CMIP: variants seen among roughly 807,000 people sequenced by gnomAD.
CMIP encodes the protein c-Maf inducing protein, also known as C-Maf-inducing protein.
CMIP carries 13 observed loss-of-function variants against 97.3 expected under a neutral mutation model. The ratio of observed to expected loss-of-function variants is 0.13; its 90% CI spans 0.09 to 0.21. CMIP has a LOEUF of 0.21. Ranked by LOEUF, CMIP falls within the 10% of genes least tolerant of loss-of-function variation. The pLI, the probability that CMIP is intolerant of heterozygous loss-of-function variation, is 1.00. For synonymous variants in CMIP, 538 were observed against 436.3 expected (o/e 1.23, Z -2.91); for missense variants, 847 against 1,024.9 (o/e 0.83, Z 2.37).
intron 1 of CMIP, among the ~76,000 whole-genome samples, chr16:81,565,875 G>A (rs1028191361): frequency 6.6e-6 from 1 of 152,314 alleles, no homozygotes; most frequent in Middle Eastern, 3.4e-3. Flanking sequence ...GCCCTGTGTT[G>A]GGCTGGCGCT....
chr16:81,449,778 C>T (rs903453787), intron 1 of CMIP, among the ~76,000 whole-genome samples: 1 of 151,848 alleles, frequency 6.6e-6, no homozygotes, highest in Non-Finnish European at 1.5e-5. Flanking sequence ...GGGGCTGAGA[C>T]AGAGAGGAGA....
At chr16:81,552,762 G>A (rs2090684374) in intron 1 of CMIP, among the ~76,000 whole-genome samples, 1 of 152,224 alleles carries the variant, frequency 6.6e-6, no homozygotes, top group Non-Finnish European at 1.5e-5. Context: ...CTGCTCTTGT[G>A]CCTACCACCA....
At chr16:81,485,577 A>T (rs747197807) in intron 1 of CMIP, among the ~76,000 whole-genome samples, 23 of 152,188 alleles carry the variant, frequency 1.5e-4, no homozygotes, top group Non-Finnish European at 4.4e-5. Context: ...AGCCCTTCTG[A>T]TGTCCCTCCC....
chr16:81,680,025 G>A (rs950087685), intron 10 of CMIP, among the ~76,000 whole-genome samples: 2 of 152,224 alleles, frequency 1.3e-5, no homozygotes, highest in East Asian at 1.9e-4. Flanking sequence ...CCAGAGACAG[G>A]CATTTTCAGA....
At chr16:81,504,775 C>A (rs979552699) in intron 1 of CMIP, among the ~76,000 whole-genome samples, 5 of 151,924 alleles carry the variant, frequency 3.3e-5, no homozygotes, top group African/African-American at 1.2e-4. Context: ...ATCTGCAGAG[C>A]TTGTTACCAG....
At chr16:81,691,703 C>A (rs1906097346) in intron 10 of CMIP, 72 bp from the exon 11 acceptor site, 1 of 1,319,566 alleles carries the variant, frequency 7.6e-7, no homozygotes, top group East Asian at 2.3e-5. Context: ...TTTGGCCCAT[C>A]TGGGACCAAA....
At chr16:81,472,457 C>A (rs1009900452) in intron 1 of CMIP, among the ~76,000 whole-genome samples, 10 of 152,184 alleles carry the variant, frequency 6.6e-5, no homozygotes, top group African/African-American at 1.7e-4. Flanking sequence ...GGAGGAGTGG[C>A]CCATCTCCCC....
chr16:81,631,239 C>G (rs992649730), intron 3 of CMIP: 2 of 152,344 alleles, frequency 1.3e-5, no homozygotes, highest in Non-Finnish European at 2.9e-5. Flanking sequence ...TTAGGCCTGT[C>G]TTGAAGCAGG....
intron 1 of CMIP, among the ~76,000 whole-genome samples, chr16:81,451,920 A>G (rs1906240147): frequency 6.6e-6 from 1 of 152,222 alleles, no homozygotes; most frequent in African/African-American, 2.4e-5. Flanking sequence ...CACCCAGTGT[A>G]TTCAACAGGC....
At chr16:81,465,460 C>T (rs574166820) in intron 1 of CMIP, among the ~76,000 whole-genome samples, 1 of 152,350 alleles carries the variant, frequency 6.6e-6, no homozygotes, top group South Asian at 2.1e-4. Context: ...TGCTTGCTTC[C>T]TTTTCCTGTT....
At chr16:81,574,396 C>T (rs2091152965) in intron 1 of CMIP, among the ~76,000 whole-genome samples, 1 of 152,232 alleles carries the variant, frequency 6.6e-6, no homozygotes, top group Admixed American at 6.5e-5. Context: ...GGCAGGGGTG[C>T]CAGGCTTGGC....
At chr16:81,644,074 A>C (rs774849805) in intron 3 of CMIP, among the ~76,000 whole-genome samples, 3 of 152,226 alleles carry the variant, frequency 2.0e-5, no homozygotes, top group Non-Finnish European at 4.4e-5. Flanking sequence ...CGTTGACCCT[A>C]TAGCCCTGAC....
chr16:81,454,657 G>C (rs747607547), intron 1 of CMIP, among the ~76,000 whole-genome samples: 1 of 152,206 alleles, frequency 6.6e-6, no homozygotes, highest in Non-Finnish European at 1.5e-5. Context: ...GTGCTCTCAG[G>C]CATGGCACTT....
chr16:81,546,991 C>G (rs983993275), intron 1 of CMIP, among the ~76,000 whole-genome samples: 2 of 152,106 alleles, frequency 1.3e-5, no homozygotes, highest in Non-Finnish European at 2.9e-5. Context: ...AAAGGCCACT[C>G]CCCCGGGAGT....
At position 81,652,491 on chromosome 16, in the gene CMIP, A is replaced by C. The variant is rs960748241; in HGVS notation, c.639+127A>C. ...TGTGTTGTTGCCCTGCTGCCGAAGG[A>C]GGTGAGCAGTTGCCCACCCAGCCGT... On this transcript the variant is annotated intron_variant, in intron 4 of 20. Coordinates refer to ENST00000537098, the MANE Select transcript of CMIP (RefSeq NM_198390.3). The surrounding 1 kb of genome is among the most constrained non-coding windows in gnomAD (Gnocchi z 5.2). The C allele has an allele frequency of 9.6e-6, 8 of 834,484 alleles. No individual in the cohort carries two copies. Among genetic ancestry groups the C allele is most frequent in the Non-Finnish European group, 1.5e-5 (8 of 533,996 alleles). The allele number at this position is 834,484 out of a possible 1,614,324, so 51.7% of individuals were successfully genotyped here.
intron 10 of CMIP, among the ~76,000 whole-genome samples, chr16:81,681,770 T>G (rs1904898400): frequency 6.6e-6 from 1 of 152,200 alleles, no homozygotes; most frequent in African/African-American, 2.4e-5. Flanking sequence ...TGAGCTGCTG[T>G]GGAACTGTGG....
At chr16:81,567,775 C>G (rs926878015) in intron 1 of CMIP, among the ~76,000 whole-genome samples, 3 of 152,218 alleles carry the variant, frequency 2.0e-5, no homozygotes, top group African/African-American at 7.2e-5. Context: ...TATTTCGTCC[C>G]CGCTTCTTGT....
chr16:81,451,492 T>C (rs1158037297), intron 1 of CMIP, among the ~76,000 whole-genome samples: 2 of 152,148 alleles, frequency 1.3e-5, no homozygotes, highest in Non-Finnish European at 2.9e-5. Context: ...AAAGAAAACA[T>C]TTTCTATTTT....
At chr16:81,463,475 C>A (rs919311446) in intron 1 of CMIP, among the ~76,000 whole-genome samples, 1 of 152,178 alleles carries the variant, frequency 6.6e-6, no homozygotes, top group Admixed American at 6.5e-5. Flanking sequence ...TTTGGCGGGA[C>A]GGCGGTTGTG....
Sources: allele counts gnomAD v4.1 joint callset (sites outside exome capture counted in the v4.1 genomes callset), GRCh38; gene constraint gnomAD v4.1.1; non-coding constraint Gnocchi (gnomAD v3.1); transcripts MANE v1.5; gene names NCBI Gene and HGNC (gene_info 2026-07-23, HGNC 2026-07-21).